Variants in TMEM161A observed in about 807,000 individuals in gnomAD.
The protein encoded by TMEM161A is transmembrane protein 161A.
In TMEM161A, 46 loss-of-function variants were observed where a neutral mutation model predicts 57.1. That is an observed-to-expected ratio of 0.81 (90% CI 0.64 to 1.03). TMEM161A has a LOEUF of 1.03. TMEM161A is among the 50% of genes least tolerant of loss of function. The probability of loss-of-function intolerance (pLI) is 0.00; values close to 1 mark genes in which losing one functional copy is unlikely to be tolerated. For missense variants in TMEM161A, 601 were observed against 621.5 expected, an observed-to-expected ratio of 0.97 and a Z score of 0.35; for synonymous variants, 288 against 279.0, an observed-to-expected ratio of 1.03 and a Z score of -0.32.
intron 1 of TMEM161A, among the ~76,000 whole-genome samples, chr19:19,136,282 C>G (rs964327963): frequency 1.3e-5 from 2 of 151,936 alleles, no homozygotes; most frequent in Non-Finnish European, 2.9e-5. Flanking sequence ...GAAAATAATC[C>G]TTTAATCAGG....
chr19:19,120,193 G>A lies in TMEM161A; in HGVS notation c.1187-10C>T. 6.5e-7 allele frequency: 1 copy of A among 1,538,784 alleles called. No homozygotes were observed. The highest frequency in any genetic ancestry group is 8.8e-7 in the Non-Finnish European group (1 of 1,139,188). On this transcript the variant is annotated splice_polypyrimidine_tract_variant and intron_variant, in intron 11 of 11. Transcript: ENST00000162044. Reference sequence around the variant, plus strand: ...CCCCAGGAATAGCCTCCTAGGAGAAGAGGATGAAGCGAGGTATGAGTGGAA... The same window carrying A: ...CCCCAGGAATAGCCTCCTAGGAGAAAAGGATGAAGCGAGGTATGAGTGGAA...
Position 19,120,197 on chromosome 19 carries a change from A to G in TMEM161A, c.1187-14T>C, listed in dbSNP as rs2059901747. On this transcript the variant is annotated splice_polypyrimidine_tract_variant and intron_variant, in intron 11 of 11. Coordinates refer to ENST00000162044, the MANE Select transcript of TMEM161A (RefSeq NM_017814.3). The stretch of plus-strand genomic sequence containing the variant: ...AGGAATAGCCTCCTAGGAGAAGAGG[A>G]TGAAGCGAGGTATGAGTGGAAAAAT... 4 of 1,532,278 alleles carry G rather than the reference A, an allele frequency of 2.6e-6. No individual in the cohort carries two copies. 94.9% of individuals were successfully genotyped at this position (1,532,278 alleles called of 1,614,324 possible).
At chr19:19,123,563 G>T (rs1293214788) in intron 6 of TMEM161A, among the ~76,000 whole-genome samples, 1 of 152,088 alleles carries the variant, frequency 6.6e-6, no homozygotes, top group East Asian at 1.9e-4. Context: ...AATGTAAGTA[G>T]ACTAAACTTT....
rs973536599 is a variant in TMEM161A at position 19,119,320 on chromosome 19, T to C, written c.*610A>G. The C allele has an allele frequency of 1.3e-5, 2 of 152,914 alleles. No individual in the cohort carries two copies. Among genetic ancestry groups the C allele is most frequent in the African/African-American group, 2.4e-5 (1 of 41,408 alleles). The allele number at this position is 152,914 out of a possible 1,614,324, so 9.5% of individuals were successfully genotyped here. On this transcript the variant is annotated 3_prime_UTR_variant, in exon 12 of 12. Coordinates refer to ENST00000162044, the MANE Select transcript of TMEM161A (RefSeq NM_017814.3). ...GCGCCACCATGCCTAATTTTTGTTA[T>C]TTTAGTAAAGACTGGGTTTCACCAT... is the stretch of plus-strand genomic sequence containing the variant.
chr19:19,121,899 C>T lies in TMEM161A; in HGVS notation c.596-80G>A. ...CACTCTGTTCCCTAACCCCCCATCC[C>T]TCAGGCATCCGTTTGCTTCCCAAGT... On this transcript the variant is annotated intron_variant, in intron 6 of 11. Transcript: ENST00000162044. This position sits in a 1 kb window ranked among gnomAD's most constrained non-coding sequence, Gnocchi z 5.8. 1 of 1,498,638 alleles carries T rather than the reference C, an allele frequency of 6.7e-7. No homozygotes were observed. The highest frequency in any genetic ancestry group is 9.1e-7 in the Non-Finnish European group (1 of 1,095,346). 92.8% of individuals were successfully genotyped at this position (1,498,638 alleles called of 1,614,324 possible). A position where few individuals can be genotyped will look rare whatever the true frequency, so the allele number is the denominator to read the frequency against.
At position 19,120,747 on chromosome 19, in the gene TMEM161A, C is replaced by G; in HGVS notation, c.1186+18G>C. 2 of 1,611,550 alleles carry G rather than the reference C, an allele frequency of 1.2e-6. No homozygotes were observed. Among genetic ancestry groups the G allele is most frequent in the Non-Finnish European group, 1.7e-6 (2 of 1,179,150 alleles). ...TCCAACTCCGCCCCTCCTCCACCCCCACACCGCGGCATCTCACCCAGCGTC... is the reference window on the plus strand; with the variant it reads ...TCCAACTCCGCCCCTCCTCCACCCCGACACCGCGGCATCTCACCCAGCGTC... On this transcript the variant is annotated intron_variant, in intron 11 of 11. Coordinates refer to ENST00000162044, the MANE Select transcript of TMEM161A (RefSeq NM_017814.3).
chr19:19,123,833 G>A (rs1017211925), intron 6 of TMEM161A, among the ~76,000 whole-genome samples: 3 of 152,100 alleles, frequency 2.0e-5, no homozygotes, highest in African/African-American at 7.2e-5. Flanking sequence ...AGGCCAAGAC[G>A]GGCAGATCAC....
In TMEM161A at chr19:19,121,689, G is replaced by C; in HGVS notation, c.657-21C>G. On this transcript the variant is annotated intron_variant, in intron 7 of 11. Transcript: ENST00000162044. This position sits in a 1 kb window ranked among gnomAD's most constrained non-coding sequence, Gnocchi z 5.8. ...GAAGCCTAGGAGAACACCAGGTCACGAGCCTGCCTGGGGGACCCTGGGAGG... is the reference window on the plus strand; with the variant it reads ...GAAGCCTAGGAGAACACCAGGTCACCAGCCTGCCTGGGGGACCCTGGGAGG... The C allele has an allele frequency of 6.2e-7, 1 of 1,612,538 alleles. No individual in the cohort carries two copies. The highest frequency in any genetic ancestry group is 1.1e-5 in the South Asian group (1 of 91,056).
At chr19:19,134,995 G>T in intron 1 of TMEM161A, 108 bp from the exon 2 acceptor site, 2 of 783,592 alleles carry the variant, frequency 2.6e-6, no homozygotes. Context: ...TGGGGGAAGG[G>T]CGAGCCTCTT....
At position 19,132,672 on chromosome 19, in the gene TMEM161A, T is replaced by C; in HGVS notation, c.271A>G (p.Thr91Ala). ...PFQLETCPLT[T>A]VDALVLRFFL... The stretch of plus-strand genomic sequence containing the variant: ...GGGCTATTACCCAGGGCATCCACGG[T>C]CGTGAGGGGGCAGGTCTCCAGCTGG... The change falls in exon 4 of 12, where the codon ACC becomes GCC. Residue 91 changes from threonine to alanine, a missense_variant. By Grantham distance (58) the Thr-to-Ala change is moderately conservative. Transcript: ENST00000162044. This position sits in a 1 kb window ranked among gnomAD's most constrained non-coding sequence, Gnocchi z 4.3. 6.4e-7 allele frequency: 1 copy of C among 1,574,430 alleles called. No individual in the cohort carries two copies. Among genetic ancestry groups the C allele is most frequent in the Non-Finnish European group, 8.6e-7 (1 of 1,159,458 alleles).
In TMEM161A at chr19:19,120,114, G is replaced by C; in HGVS notation, c.1256C>G (p.Pro419Arg). Reference sequence around the variant, plus strand: ...GACTTCGTCCTCCCCAGAGCCGATGGGGGCAGCGCTGGCTGAGGATGGGTC... The same window carrying C: ...GACTTCGTCCTCCCCAGAGCCGATGCGGGCAGCGCTGGCTGAGGATGGGTC... ...SPDPSSASAAPIGSGEDEVQQ... is the reference protein window; with the variant it reads ...SPDPSSASAARIGSGEDEVQQ... Residue 419 changes from proline (P) to arginine (R), a missense_variant, in exon 12 of 12, where the codon CCC (proline) becomes CGC (arginine). By Grantham distance (103) the Pro-to-Arg change is moderately radical. Transcript: ENST00000162044. 2 of 1,570,908 alleles carry C rather than the reference G, an allele frequency of 1.3e-6. No homozygotes were observed. The highest frequency in any genetic ancestry group is 1.7e-6 in the Non-Finnish European group (2 of 1,158,294).
At position 19,119,777 on chromosome 19, in the gene TMEM161A, G is replaced by C. The variant is rs145085834; in HGVS notation, c.*153C>G. ...CTGAGGCAGAAACTCGGCGTCCAAG[G>C]GGGGCCGCGGGTCAGGCACTGTGGT... On this transcript the variant is annotated 3_prime_UTR_variant, in exon 12 of 12. Coordinates refer to ENST00000162044, the MANE Select transcript of TMEM161A (RefSeq NM_017814.3). The C allele has an allele frequency of 1.7e-5, 16 of 965,066 alleles. No individual in the cohort carries two copies. In the African/African-American group the frequency reaches 2.0e-4, roughly 12 times the overall value. 59.8% of individuals were successfully genotyped at this position (965,066 alleles called of 1,614,324 possible).
At chr19:19,122,802 C>T (rs893954749) in intron 6 of TMEM161A, among the ~76,000 whole-genome samples, 1 of 149,556 alleles carries the variant, frequency 6.7e-6, no homozygotes, top group Non-Finnish European at 1.5e-5. Flanking sequence ...TTCATATGAG[C>T]TCACAGGCAA....
At position 19,121,508 on chromosome 19, in the gene TMEM161A, C is replaced by A; in HGVS notation, c.800+17G>T. 1 of 1,613,504 alleles carries A rather than the reference C, an allele frequency of 6.2e-7. No homozygotes were observed. The highest frequency in any genetic ancestry group is 8.5e-7 in the Non-Finnish European group (1 of 1,179,568). On this transcript the variant is annotated intron_variant, in intron 8 of 11. Coordinates refer to ENST00000162044, the MANE Select transcript of TMEM161A (RefSeq NM_017814.3). The surrounding 1 kb of genome is among the most constrained non-coding windows in gnomAD (Gnocchi z 5.8). ...TAAGCTCCCTAGTCCCCCCACCCACCAAGCGACCCACTTAACTGCAGCATG... is the reference window on the plus strand; with the variant it reads ...TAAGCTCCCTAGTCCCCCCACCCACAAAGCGACCCACTTAACTGCAGCATG...
intron 5 of TMEM161A, among the ~76,000 whole-genome samples, chr19:19,130,975 T>C (rs1349626178): frequency 1.3e-5 from 2 of 151,828 alleles, no homozygotes; most frequent in Non-Finnish European, 2.9e-5. Context: ...TCCCAGCACT[T>C]TGGGAGGCTG....
At position 19,119,812 on chromosome 19, in the gene TMEM161A, G is replaced by T; in HGVS notation, c.*118C>A. ...GGTCAGGCACTGTGGTGAAGGGAAC[G>T]CCGGGGAGTCCGGCCCCACCTTGCA... On this transcript the variant is annotated 3_prime_UTR_variant, in exon 12 of 12. Coordinates refer to ENST00000162044, the MANE Select transcript of TMEM161A (RefSeq NM_017814.3). 7.5e-7 allele frequency: 1 copy of T among 1,330,656 alleles called. No homozygotes were observed. The highest frequency in any genetic ancestry group is 1.0e-6 in the Non-Finnish European group (1 of 983,998). 82.4% of individuals were successfully genotyped at this position (1,330,656 alleles called of 1,614,324 possible).
At chr19:19,127,709 T>C (rs2059937861) in intron 6 of TMEM161A, among the ~76,000 whole-genome samples, 1 of 151,260 alleles carries the variant, frequency 6.6e-6, no homozygotes, top group Non-Finnish European at 1.5e-5. Context: ...GTGAGAGGAC[T>C]GCTCGAGGCC....
intron 6 of TMEM161A, among the ~76,000 whole-genome samples, chr19:19,129,857 A>T (rs1399413590): frequency 6.6e-6 from 1 of 152,074 alleles, no homozygotes; most frequent in Non-Finnish European, 1.5e-5. Context: ...GTGAGCCAAG[A>T]TCATGCCACT....
chr19:19,120,950 G>T (rs768185777), intron 10 of TMEM161A, 42 bp downstream of exon 10: 4 of 1,609,350 alleles, frequency 2.5e-6, no homozygotes, highest in Non-Finnish European at 3.4e-6. Context: ...CCCACCCTGA[G>T]CCCCAGGTTC....
Sources: gnomAD v4.1 joint callset for allele counts (sites outside exome capture counted in the v4.1 genomes callset) on GRCh38, gnomAD v4.1.1 for gene constraint, Gnocchi (gnomAD v3.1) non-coding constraint, MANE v1.5 for transcripts, NCBI Gene and HGNC (gene_info 2026-07-23, HGNC 2026-07-21) for gene names.